RYR2: variants seen among roughly 807,000 people sequenced by gnomAD.
The protein encoded by RYR2 is cardiac muscle ryanodine receptor-calcium release channel.
In RYR2, 227 loss-of-function variants were observed where a neutral mutation model predicts 601.1. That is an observed-to-expected ratio of 0.38 (90% CI 0.34 to 0.42). The LOEUF (loss-of-function observed/expected upper bound fraction) is 0.42. Among genes scored for constraint, RYR2 ranks in the 10% least tolerant of loss-of-function variants. The probability of loss-of-function intolerance (pLI) is 1.00; values close to 1 mark genes in which losing one functional copy is unlikely to be tolerated. For missense variants in RYR2, 4,646 were observed against 6,156.5 expected (o/e 0.75, Z 8.21); for synonymous variants, 2,223 against 2,175.1 (o/e 1.02, Z -0.61).
At chr1:237,775,285 T>C (rs187518770) in intron 87 of RYR2, among the ~76,000 whole-genome samples, 170 of 152,296 alleles carry the variant, frequency 1.1e-3, no homozygotes, top group Non-Finnish European at 1.9e-3. Flanking sequence ...CATGGCACAT[T>C]TGTCAAAACT....
intron 10 of RYR2, among the ~76,000 whole-genome samples, chr1:237,414,008 TTTC>T (rs1704692695): frequency 6.6e-6 from 1 of 152,154 alleles, no homozygotes; most frequent in Non-Finnish European, 1.5e-5. Context: ...AAGTTGTCAA[TTTC>T]TTTTCTTTTC....
intron 16 of RYR2, among the ~76,000 whole-genome samples, chr1:237,461,628 A>G (rs902616293): frequency 2.0e-5 from 3 of 152,120 alleles, no homozygotes; most frequent in Non-Finnish European, 2.9e-5. Flanking sequence ...ATCTATTAAC[A>G]TGCATTACTT....
At chr1:237,522,764 A>G (rs6681301) in intron 24 of RYR2, among the ~76,000 whole-genome samples, 1 of 152,098 alleles carries the variant, frequency 6.6e-6, no homozygotes, top group South Asian at 2.1e-4. Flanking sequence ...GCTTCCTAAC[A>G]GTCTGTTTAC....
chr1:237,756,756 G>A (rs992105871), intron 81 of RYR2, among the ~76,000 whole-genome samples: 1 of 152,136 alleles, frequency 6.6e-6, no homozygotes, highest in Admixed American at 6.6e-5. Flanking sequence ...CTTCAACTGT[G>A]CCATGTTAGC....
At chr1:237,741,295 T>C (rs906025496) in intron 79 of RYR2, among the ~76,000 whole-genome samples, 1 of 152,158 alleles carries the variant, frequency 6.6e-6, no homozygotes, top group Admixed American at 6.5e-5. Flanking sequence ...ATTGTTTACC[T>C]TCCCTCCCAT....
rs1160572843 is a variant in RYR2, at chr1:237,168,661, A to C, written c.49-101836A>C. ...AAAAGTTTTCTTTTGGGGAGGGGGA[A>C]GGAATTTAGAATGTTTAGATTTCAC... On this transcript the variant is annotated intron_variant, in intron 1 of 104. Coordinates refer to ENST00000366574, the MANE Select transcript of RYR2 (RefSeq NM_001035.3). Among the ~76,000 whole-genome samples the C allele has an allele frequency of 2.0e-5, 3 of 151,968 alleles. No individual in the cohort carries two copies. The East Asian group carries it at 5.9e-4, about 30-fold the overall frequency.
At chr1:237,330,833 T>C in intron 2 of RYR2, 45 bp from the exon 3 acceptor site, 1 of 1,485,576 alleles carries the variant, frequency 6.7e-7, no homozygotes, top group South Asian at 1.1e-5. Context: ...GTCTGGATGC[T>C]TGATGAAGAT....
chr1:237,677,396 T>C (rs1685494278), intron 60 of RYR2, among the ~76,000 whole-genome samples: 1 of 152,206 alleles, frequency 6.6e-6, no homozygotes, highest in Non-Finnish European at 1.5e-5. Flanking sequence ...GGTTAATCAA[T>C]TCTTGACCTT....
At chr1:237,536,813 GA>G in intron 25 of RYR2, among the ~76,000 whole-genome samples, 1 of 151,080 alleles carries the variant, frequency 6.6e-6, no homozygotes, top group South Asian at 2.1e-4. Context: ...GTGAACCCGG[GA>G]GGCGGAGCTT....
In RYR2 at chr1:237,726,307, TG is replaced by T. The variant is rs1690191961; in HGVS notation, c.10725+2del. Reference sequence around the variant, plus strand: ...CGTGTGGGTCGGAGACATTACTGTCTGGGAAGTACAGTGCTCAATGGCCTAG... The same window carrying T: ...CGTGTGGGTCGGAGACATTACTGTCTGGAAGTACAGTGCTCAATGGCCTAG... ...SKRVGRRHYC[L>X]VEHPQRSKKA... On this transcript the variant is annotated frameshift_variant and splice_region_variant, in exon 75 of 105. Transcript: ENST00000366574. LOFTEE classifies it high-confidence loss of function. 1.3e-6 allele frequency: 2 copies of T among 1,583,618 alleles called. No homozygotes were observed. Among genetic ancestry groups the T allele is most frequent in the South Asian group, 2.3e-5 (2 of 87,568 alleles).
chr1:237,088,099 A>G lies in RYR2; in HGVS notation c.48+45530A>G, dbSNP rs1572588633. Among the ~76,000 whole-genome samples the G allele has an allele frequency of 2.0e-5, 3 of 152,112 alleles. No individual in the cohort carries two copies. In the East Asian group the frequency reaches 5.8e-4, roughly 29 times the overall value. ...ATATTGGATATATGTAATATTGGATACTATTGGAAATTAATGTACATGGAA... is the reference window on the plus strand; with the variant it reads ...ATATTGGATATATGTAATATTGGATGCTATTGGAAATTAATGTACATGGAA... On this transcript the variant is annotated intron_variant, in intron 1 of 104. Transcript: ENST00000366574.
chr1:237,171,582 A>G (rs1371715157), intron 1 of RYR2, among the ~76,000 whole-genome samples: 1 of 152,210 alleles, frequency 6.6e-6, no homozygotes, highest in Non-Finnish European at 1.5e-5. Flanking sequence ...CGTTCTGTTG[A>G]AATTTTGGCT....
chr1:237,378,665 G>A (rs553765314), intron 8 of RYR2, among the ~76,000 whole-genome samples: 1 of 152,168 alleles, frequency 6.6e-6, no homozygotes, highest in African/African-American at 2.4e-5. Context: ...TGTGTTACTG[G>A]TTTAGGATTA....
intron 29 of RYR2, among the ~76,000 whole-genome samples, chr1:237,577,286 A>G (rs1271080101): frequency 6.6e-6 from 1 of 152,212 alleles, no homozygotes; most frequent in Non-Finnish European, 1.5e-5. Context: ...GTCCCAAAAG[A>G]TAACTATGGT....
At chr1:237,752,675 G>C (rs1204386283) in intron 80 of RYR2, among the ~76,000 whole-genome samples, 3 of 152,116 alleles carry the variant, frequency 2.0e-5, no homozygotes, top group African/African-American at 4.8e-5. Context: ...TGTTTGTGCT[G>C]CAAACCAAAT....
intron 1 of RYR2, among the ~76,000 whole-genome samples, chr1:237,064,915 G>C (rs1663361398): frequency 6.6e-6 from 1 of 151,972 alleles, no homozygotes; most frequent in Non-Finnish European, 1.5e-5. Context: ...GTTATTCTCA[G>C]CGAAAGTTTA....
intron 66 of RYR2, among the ~76,000 whole-genome samples, chr1:237,704,938 G>C (rs1688248482): frequency 6.6e-6 from 1 of 152,096 alleles, no homozygotes; most frequent in Non-Finnish European, 1.5e-5. Flanking sequence ...GAATTTTAAA[G>C]TGAATTAATG....
chr1:237,783,548 A>C (rs547738185), intron 89 of RYR2, 127 bp from the exon 90 acceptor site: 1 of 615,810 alleles, frequency 1.6e-6, no homozygotes, highest in African/African-American at 1.8e-5. Context: ...TTATCTTTTT[A>C]TAGAGTGAGA....
In RYR2 at chr1:237,792,370, T is replaced by TGTGTGCGCGC. The variant is rs1553327319; in HGVS notation, c.13782+52_13782+53insCGCGCGTGTG. ...GTACCTGTGTGTGTGTGTGTGTGTGTGTGTGTGTGTGCGTGTGTGTGTGTG... is the reference window on the plus strand; with the variant it reads ...GTACCTGTGTGTGTGTGTGTGTGTGTGTGTGCGCGCGTGTGTGTGTGCGTGTGTGTGTGTG... On this transcript the variant is annotated intron_variant, in intron 94 of 104. Coordinates refer to ENST00000366574, the MANE Select transcript of RYR2 (RefSeq NM_001035.3). 3 of 945,938 alleles carry TGTGTGCGCGC rather than the reference T, an allele frequency of 3.2e-6. No individual in the cohort carries two copies. In the South Asian group the frequency reaches 4.9e-5, roughly 15 times the overall value. 58.6% of individuals were successfully genotyped at this position (945,938 alleles called of 1,614,324 possible). A position where few individuals can be genotyped will look rare whatever the true frequency, so the allele number is the denominator to read the frequency against.
Sources: allele counts gnomAD v4.1 joint callset (sites outside exome capture counted in the v4.1 genomes callset), GRCh38; gene constraint gnomAD v4.1.1; transcripts MANE v1.5; gene names NCBI Gene and HGNC (gene_info 2026-07-23, HGNC 2026-07-21).